Variants in RAP1GAP2 observed in about 807,000 individuals in gnomAD.
RAP1GAP2 encodes RAP1 GTPase activating protein 2, also known as rap1 GTPase-activating protein 2.
In RAP1GAP2, 27 loss-of-function variants were observed where a neutral mutation model predicts 95.0. The ratio of observed to expected loss-of-function variants is 0.28; its 90% CI spans 0.21 to 0.39. The LOEUF (loss-of-function observed/expected upper bound fraction) is 0.39, where lower values mean the gene tolerates loss of function less well. Ranked by LOEUF, RAP1GAP2 falls within the 10% of genes least tolerant of loss-of-function variation. The pLI is 1.00. For synonymous variants in RAP1GAP2, 373 were observed against 380.9 expected (o/e 0.98, Z 0.24); for missense variants, 771 against 970.0 (o/e 0.79, Z 2.72).
chr17:2,829,281 G>A (rs1483401301), intron 2 of RAP1GAP2, among the ~76,000 whole-genome samples: 2 of 152,142 alleles, frequency 1.3e-5, no homozygotes, highest in Non-Finnish European at 2.9e-5. Context: ...ACCATGCCCG[G>A]CCAATTACTT....
intron 2 of RAP1GAP2, among the ~76,000 whole-genome samples, chr17:2,888,157 T>A (rs2073567081): frequency 6.6e-6 from 1 of 152,182 alleles, no homozygotes; most frequent in South Asian, 2.1e-4. Context: ...CACATAATAA[T>A]TATACCTATT....
chr17:2,779,033 G>T (rs1173350927), intron 1 of RAP1GAP2, among the ~76,000 whole-genome samples: 2 of 152,122 alleles, frequency 1.3e-5, no homozygotes, highest in African/African-American at 2.4e-5. Flanking sequence ...TTCCCTGTGG[G>T]TACTCCACAC....
chr17:3,017,326 C>T (rs911572209), intron 17 of RAP1GAP2, among the ~76,000 whole-genome samples: 35 of 151,918 alleles, frequency 2.3e-4, no homozygotes, highest in African/African-American at 8.5e-4. Context: ...CTCCGTGCCC[C>T]CCGAGACCCT....
chr17:2,775,274 C>CA (rs1233172965), upstream of RAP1GAP2, among the ~76,000 whole-genome samples: 3 of 152,068 alleles, frequency 2.0e-5, no homozygotes, highest in Non-Finnish European at 4.4e-5. Context: ...AGACGATAAA[C>CA]ATGTAAACGC....
chr17:3,007,491 T>C (rs894662), intron 16 of RAP1GAP2, among the ~76,000 whole-genome samples: 152,146 of 152,284 alleles, frequency 1, 76,004 homozygotes, highest in Middle Eastern at 1. Context: ...GTAAGTGTTG[T>C]GGGACGTGGG....
chr17:2,790,741 G>A lies in RAP1GAP2; in HGVS notation c.-13-9774G>A, dbSNP rs115920107. On this transcript the variant is annotated intron_variant, in intron 1 of 24. Coordinates refer to the RAP1GAP2 transcript ENST00000540393. ...GTCTCATCTTTCAGCTCCCACTGGTGGCTATGAGGTCTGAGCTGCTCGAGC... is the reference window on the plus strand; with the variant it reads ...GTCTCATCTTTCAGCTCCCACTGGTAGCTATGAGGTCTGAGCTGCTCGAGC... Among the ~76,000 whole-genome samples the A allele has an allele frequency of 1.8e-3, 271 of 152,364 alleles. 1 individual carries two copies. The highest frequency in any genetic ancestry group is 6.2e-3 in the African/African-American group (256 of 41,588).
chr17:2,781,715 AGCACGTCTCTGTGTGT>A lies in RAP1GAP2; in HGVS notation c.-14+4453_-14+4468del, dbSNP rs2068657602. ...CTCTGTGTGTGCACGTCTCTGTGTG[AGCACGTCTCTGTGTGT>A]GCACGTCTCTGTGTGAGTACGTCTC... On this transcript the variant is annotated intron_variant, in intron 1 of 24. Coordinates refer to the RAP1GAP2 transcript ENST00000540393. Among the ~76,000 whole-genome samples, 5 of 63,434 alleles carry A rather than the reference AGCACGTCTCTGTGTGT, an allele frequency of 7.9e-5. No homozygotes were observed. The Admixed American group carries it at 8.6e-4, about 11-fold the overall frequency. 41.6% of individuals were successfully genotyped at this position (63,434 alleles called of 152,430 possible).
chr17:2,971,377 A>G (rs1276204525), intron 8 of RAP1GAP2, among the ~76,000 whole-genome samples: 3 of 152,146 alleles, frequency 2.0e-5, no homozygotes, highest in Non-Finnish European at 4.4e-5. Context: ...CATAAAACCT[A>G]TGGGTTGTAT....
intron 2 of RAP1GAP2, among the ~76,000 whole-genome samples, chr17:2,864,607 G>T (rs750972087): frequency 5.3e-5 from 8 of 152,236 alleles, no homozygotes; most frequent in Non-Finnish European, 1.0e-4. Context: ...TGGGGAGCAG[G>T]AGGCTGGGGG....
At chr17:2,762,903 C>T (rs1356036726) in intron 1 of RAP1GAP2, among the ~76,000 whole-genome samples, 2 of 151,946 alleles carry the variant, frequency 1.3e-5, no homozygotes, top group Non-Finnish European at 2.9e-5. Flanking sequence ...CTCGAACTCC[C>T]GGACTCAAGC....
intron 4 of RAP1GAP2, among the ~76,000 whole-genome samples, chr17:2,959,271 AGTGTT>A (rs1040250737): frequency 1.3e-5 from 2 of 151,894 alleles, no homozygotes; most frequent in Non-Finnish European, 2.9e-5. Context: ...CCAGCCTCAG[AGTGTT>A]GTGTTGTGTA....
At chr17:2,937,595 C>A (rs1200288668) in intron 3 of RAP1GAP2, among the ~76,000 whole-genome samples, 2 of 152,128 alleles carry the variant, frequency 1.3e-5, no homozygotes, top group Non-Finnish European at 2.9e-5. Context: ...ATCCTGGGTC[C>A]CTTTTTCCAG....
At chr17:2,807,704 T>C (rs1464653836) in intron 2 of RAP1GAP2, among the ~76,000 whole-genome samples, 1 of 151,972 alleles carries the variant, frequency 6.6e-6, no homozygotes, top group East Asian at 1.9e-4. Flanking sequence ...GAGCAGTTAC[T>C]ATTACCAGAC....
chr17:3,025,499 C>T (rs999976875), intron 19 of RAP1GAP2, among the ~76,000 whole-genome samples: 2 of 152,216 alleles, frequency 1.3e-5, no homozygotes, highest in African/African-American at 4.8e-5. Flanking sequence ...GAGAGTACCC[C>T]TTGCTTCCCA....
At chr17:2,756,072 C>T (rs1256011783) in intron 1 of RAP1GAP2, among the ~76,000 whole-genome samples, 3 of 152,246 alleles carry the variant, frequency 2.0e-5, no homozygotes, top group Admixed American at 1.3e-4. Context: ...TGCACTTCAC[C>T]TTTCACGCTC....
At chr17:2,998,527 G>T (rs918944820) in intron 14 of RAP1GAP2, among the ~76,000 whole-genome samples, 151 bp downstream of exon 14, 1 of 152,164 alleles carries the variant, frequency 6.6e-6, no homozygotes, top group African/African-American at 2.4e-5. Context: ...TCTGGGTAGG[G>T]AGGACCTTCC....
intron 22 of RAP1GAP2, among the ~76,000 whole-genome samples, chr17:3,028,226 T>C (rs2047187992): frequency 6.6e-6 from 1 of 152,132 alleles, no homozygotes; most frequent in Non-Finnish European, 1.5e-5. Context: ...CTGGAACTGT[T>C]AACCTCGGTG....
At chr17:2,938,828 A>T (rs1162118684) in intron 3 of RAP1GAP2, among the ~76,000 whole-genome samples, 1 of 151,946 alleles carries the variant, frequency 6.6e-6, no homozygotes, top group Non-Finnish European at 1.5e-5. Context: ...CTCTACTAAA[A>T]ATACGAAAAT....
rs1036092060 is a variant in RAP1GAP2, at chr17:2,962,840, C to T, written c.246+126C>T. 64 of 922,630 alleles carry T rather than the reference C, an allele frequency of 6.9e-5. No homozygotes were observed. In the Admixed American group the frequency reaches 1.5e-3, roughly 21 times the overall value. 57.2% of individuals were successfully genotyped at this position (922,630 alleles called of 1,614,324 possible). A position where few individuals can be genotyped will look rare whatever the true frequency, so the allele number is the denominator to read the frequency against. The stretch of plus-strand genomic sequence containing the variant: ...ACACCTGTCTAACTCTGACTCGCAC[C>T]ACGGGCCGCTTCACGACTGCCTTGT... On this transcript the variant is annotated intron_variant, in intron 5 of 24. Transcript: ENST00000254695.
Sources: gnomAD v4.1 joint callset for allele counts (sites outside exome capture counted in the v4.1 genomes callset) on GRCh38, gnomAD v4.1.1 for gene constraint, MANE v1.5 for transcripts, NCBI Gene and HGNC (gene_info 2026-07-23, HGNC 2026-07-21) for gene names.